ZBTB7C: variants seen among roughly 807,000 people sequenced by gnomAD.
ZBTB7C encodes zinc finger and BTB domain-containing protein 7C.
A neutral mutation model predicts 25.7 loss-of-function variants in ZBTB7C; 8 were observed. The observed-to-expected ratio is 0.31, with a 90% CI of 0.18 to 0.56. The LOEUF (loss-of-function observed/expected upper bound fraction) is 0.56, where lower values mean the gene tolerates loss of function less well. Ranked by LOEUF, ZBTB7C falls within the 20% of genes least tolerant of loss-of-function variation. The pLI is 0.91. For missense variants in ZBTB7C, 824 were observed against 855.2 expected (o/e 0.96, Z 0.46); for synonymous variants, 394 against 369.0 (o/e 1.07, Z -0.78).
At chr18:48,323,582 A>G (rs1288892462) in intron 2 of ZBTB7C, among the ~76,000 whole-genome samples, 1 of 152,086 alleles carries the variant, frequency 6.6e-6, no homozygotes, top group East Asian at 1.9e-4. Flanking sequence ...CAGTTCTATG[A>G]CTTTGCCATT....
At chr18:48,073,380 T>C (rs73429523) in intron 3 of ZBTB7C, among the ~76,000 whole-genome samples, 1,858 of 152,062 alleles carry the variant, frequency 0.012, 31 homozygotes, top group African/African-American at 0.043. Flanking sequence ...GCAGAGCCGC[T>C]GCCACCAGGC....
At chr18:48,071,276 T>C (rs1371531307) in intron 3 of ZBTB7C, among the ~76,000 whole-genome samples, 1 of 152,182 alleles carries the variant, frequency 6.6e-6, no homozygotes, top group Non-Finnish European at 1.5e-5. Context: ...CGTCTGGTCA[T>C]TTATAATTTT....
At chr18:48,222,504 A>G (rs1436605780) in intron 2 of ZBTB7C, among the ~76,000 whole-genome samples, 1 of 152,120 alleles carries the variant, frequency 6.6e-6, no homozygotes, top group Non-Finnish European at 1.5e-5. Flanking sequence ...CTCTCCCTCT[A>G]TACTGTCCAG....
chr18:48,220,835 A>G (rs2042932808), intron 2 of ZBTB7C, among the ~76,000 whole-genome samples: 1 of 151,260 alleles, frequency 6.6e-6, no homozygotes, highest in Admixed American at 6.6e-5. Flanking sequence ...GGGTCAAGTC[A>G]CTCTCCCTTG....
In ZBTB7C at chr18:48,390,921, C is replaced by T. The variant is rs114074866; in HGVS notation, c.-304+18305G>A. On this transcript the variant is annotated intron_variant, in intron 1 of 4. Coordinates refer to ENST00000590800, the MANE Select transcript of ZBTB7C (RefSeq NM_001318841.2). ...CTCTGGCTCCTGCTAATGACTCTTG[C>T]ATTTACCTTCATGTGCTACAGGGCC... Among the ~76,000 whole-genome samples the T allele has an allele frequency of 4.1e-3, 625 of 152,316 alleles. 3 individuals carry two copies. The highest frequency in any genetic ancestry group is 0.014 in the African/African-American group (589 of 41,570).
At chr18:48,296,012 A>G (rs1248565375) in intron 2 of ZBTB7C, among the ~76,000 whole-genome samples, 3 of 152,106 alleles carry the variant, frequency 2.0e-5, no homozygotes, top group Admixed American at 1.3e-4. Flanking sequence ...CCTCCCTTCC[A>G]CTGGTACCTC....
intron 2 of ZBTB7C, among the ~76,000 whole-genome samples, chr18:48,277,925 T>G (rs1436896037): frequency 2.0e-5 from 3 of 151,564 alleles, no homozygotes; most frequent in Non-Finnish European, 4.4e-5. Flanking sequence ...GAGGAGGGAT[T>G]GGAGTGGGAG....
chr18:48,040,710 C>G lies in ZBTB7C; in HGVS notation c.398G>C (p.Gly133Ala), dbSNP rs1598759548. 6.2e-7 allele frequency: 1 copy of G among 1,613,956 alleles called. No homozygotes were observed. Among genetic ancestry groups the G allele is most frequent in the Non-Finnish European group, 8.5e-7 (1 of 1,179,952 alleles). Residue 133 changes from glycine to alanine, a missense_variant, in exon 4 of 5, where the codon GGG becomes GCG. This residue lies in a region of ZBTB7C where 316 missense variants were observed against 299.2 expected (regional missense o/e 1.06). Transcript: ENST00000590800. ...CLEIMEPGGDGGEEDDKEDDD... is the reference protein window; with the variant it reads ...CLEIMEPGGDAGEEDDKEDDD... ...GTCCTCCTTGTCATCCTCCTCCCCC[C>G]CGTCCCCCCCAGGCTCCATGATCTC...
At chr18:48,367,175 T>TTATATATA (rs71165321) in intron 1 of ZBTB7C, among the ~76,000 whole-genome samples, 1,272 of 61,710 alleles carry the variant, frequency 0.021, 14 homozygotes, top group African/African-American at 0.025. Context: ...TCCCCAAGTT[T>TTATATATA]TATATATATA....
At chr18:48,349,803 C>T (rs2046823484) in intron 1 of ZBTB7C, among the ~76,000 whole-genome samples, 1 of 152,160 alleles carries the variant, frequency 6.6e-6, no homozygotes, top group African/African-American at 2.4e-5. Context: ...GTACACAGTA[C>T]TGGCATCCTG....
intron 2 of ZBTB7C, among the ~76,000 whole-genome samples, chr18:48,336,811 C>G (rs2046468178): frequency 6.6e-6 from 1 of 152,090 alleles, no homozygotes; most frequent in South Asian, 2.1e-4. Context: ...TGCCCAGGTC[C>G]CCAGCCAAGT....
At chr18:48,274,995 A>G (rs1164516363) in intron 2 of ZBTB7C, among the ~76,000 whole-genome samples, 6 of 152,092 alleles carry the variant, frequency 3.9e-5, no homozygotes, top group Admixed American at 3.9e-4. Context: ...TTTCATAGGG[A>G]CTTACTCTGG....
chr18:48,172,100 A>C (rs1355341997), intron 3 of ZBTB7C, among the ~76,000 whole-genome samples: 1 of 152,250 alleles, frequency 6.6e-6, no homozygotes, highest in Non-Finnish European at 1.5e-5. Context: ...CCAAAGCTGA[A>C]ACCTATTGTG....
At chr18:48,372,505 C>T (rs1330641106) in intron 1 of ZBTB7C, among the ~76,000 whole-genome samples, 1 of 152,162 alleles carries the variant, frequency 6.6e-6, no homozygotes, top group East Asian at 1.9e-4. Context: ...CATTGTGACT[C>T]TAGAGGAATC....
chr18:48,094,516 G>T (rs774435286), intron 3 of ZBTB7C, among the ~76,000 whole-genome samples: 6 of 152,152 alleles, frequency 3.9e-5, no homozygotes, highest in Non-Finnish European at 8.8e-5. Flanking sequence ...CATCCTGTAG[G>T]TTTTCAGGTG....
At chr18:48,033,647 T>A (rs534300890) in intron 4 of ZBTB7C, among the ~76,000 whole-genome samples, 13 of 152,336 alleles carry the variant, frequency 8.5e-5, no homozygotes, top group African/African-American at 3.1e-4. Context: ...CACATTCTGA[T>A]TCATGGTCTG....
intron 2 of ZBTB7C, among the ~76,000 whole-genome samples, chr18:48,204,529 G>C (rs1250012148): frequency 1.3e-5 from 2 of 152,168 alleles, no homozygotes; most frequent in African/African-American, 4.8e-5. Context: ...CTTGCTGATA[G>C]AGCCGGAACT....
chr18:48,086,874 G>C (rs185936440), intron 3 of ZBTB7C, among the ~76,000 whole-genome samples: 22 of 152,312 alleles, frequency 1.4e-4, no homozygotes, highest in Admixed American at 8.5e-4. Context: ...CTGTGCTGGA[G>C]TGGGCCTTGT....
intron 3 of ZBTB7C, among the ~76,000 whole-genome samples, chr18:48,076,039 G>A (rs1447513949): frequency 6.6e-6 from 1 of 152,220 alleles, no homozygotes; most frequent in African/African-American, 2.4e-5. Context: ...GCCTGCTCAG[G>A]CAAATTCAGC....
Sources: gnomAD v4.1 joint callset for allele counts (sites outside exome capture counted in the v4.1 genomes callset) on GRCh38, gnomAD v4.1.1 for gene constraint, gnomAD v4.1.1 regional missense constraint, MANE v1.5 for transcripts, NCBI Gene and HGNC (gene_info 2026-07-23, HGNC 2026-07-21) for gene names.